The following ST3GAL4 variants were observed in gnomAD, a reference collection of about 807,000 sequenced individuals.
ST3GAL4 encodes the protein ST3 beta-galactoside alpha-2,3-sialyltransferase 4.
In ST3GAL4, 24 loss-of-function variants were observed where a neutral mutation model predicts 42.6. The ratio of observed to expected loss-of-function variants is 0.56; its 90% CI spans 0.41 to 0.79. The LOEUF is 0.79. ST3GAL4 is among the 30% of genes least tolerant of loss of function. The pLI is 0.00. For synonymous variants in ST3GAL4, 135 were observed against 163.2 expected (o/e 0.83, Z 1.32); for missense variants, 311 against 430.8 (o/e 0.72, Z 2.46).
chr11:126,408,625 C>G, intron 8 of ST3GAL4, 129 bp downstream of exon 8: 1 of 1,188,296 alleles, frequency 8.4e-7, no homozygotes, highest in Non-Finnish European at 1.2e-6. Context: ...GAACCGGGCT[C>G]CCGGAAGTCA....
Position 126,393,197 on chromosome 11 carries a change from G to C in ST3GAL4, c.-60-12899G>C, listed in dbSNP as rs1427543794. 6.6e-6 allele frequency: 1 copy of C among 152,220 alleles called. No homozygotes were observed. Among genetic ancestry groups the C allele is most frequent in the African/African-American group, 2.4e-5 (1 of 41,454 alleles). The allele number at this position is 152,220 out of a possible 1,614,324, so 9.4% of individuals were successfully genotyped here. A position where few individuals can be genotyped will look rare whatever the true frequency, so the allele number is the denominator to read the frequency against. ...ACAGGGTTTAGTCTCGGTAGCCAGT[G>C]CCTAGGGCACAGGTCTTGGCCAGAG... is the stretch of plus-strand genomic sequence containing the variant. On this transcript the variant is annotated intron_variant, in intron 1 of 10. Transcript: ENST00000444328. The surrounding 1 kb of genome is among the most constrained non-coding windows in gnomAD (Gnocchi z 5.9).
At position 126,407,571 on chromosome 11, in the gene ST3GAL4, T is replaced by C. The variant is rs1954299097; in HGVS notation, c.281-3T>C. ...CAGTCCCTCCGCCTGGTACTTTTTG[T>C]AGAGGATCTGCTCCTCCGGGTGCTA... On this transcript the variant is annotated splice_region_variant and splice_polypyrimidine_tract_variant and intron_variant, in intron 5 of 10. Transcript: ENST00000444328. 2 of 1,614,008 alleles carry C rather than the reference T, an allele frequency of 1.2e-6. No individual in the cohort carries two copies. The highest frequency in any genetic ancestry group is 2.7e-5 in the African/African-American group (2 of 74,918).
rs1953163315 is a variant in ST3GAL4, at chr11:126,384,914, G to A, written c.-60-21182G>A. On this transcript the variant is annotated intron_variant, in intron 1 of 10. Transcript: ENST00000444328. This position sits in a 1 kb window ranked among gnomAD's most constrained non-coding sequence, Gnocchi z 5.5. ...CCCCTCTCTTTGCTGGGCTGGGACA[G>A]AGCTTGAATGGAGAGGGGCCGCCTT... 1 of 985,278 alleles carries A rather than the reference G, an allele frequency of 1.0e-6. No homozygotes were observed. The highest frequency in any genetic ancestry group is 4.7e-5 in the South Asian group (1 of 21,274). The allele number at this position is 985,278 out of a possible 1,614,324, so 61.0% of individuals were successfully genotyped here.
At position 126,409,452 on chromosome 11, in the gene ST3GAL4, C is replaced by CG; in HGVS notation, c.771+44dup. 1 of 1,613,326 alleles carries CG rather than the reference C, an allele frequency of 6.2e-7. No homozygotes were observed. Among genetic ancestry groups the CG allele is most frequent in the Non-Finnish European group, 8.5e-7 (1 of 1,179,486 alleles). On this transcript the variant is annotated intron_variant, in intron 9 of 10. Coordinates refer to ENST00000444328, the MANE Select transcript of ST3GAL4 (RefSeq NM_001254757.2). This position sits in a 1 kb window ranked among gnomAD's most constrained non-coding sequence, Gnocchi z 4.9. ...CAGGCCTGAGGGCTAGGATCCTGGG[C>CG]GGGAAGTAGGAGGGATGATCCTATG...
intron 1 of ST3GAL4, among the ~76,000 whole-genome samples, chr11:126,382,834 C>T (rs1005675492): frequency 1.3e-5 from 2 of 152,186 alleles, no homozygotes; most frequent in African/African-American, 2.4e-5. Flanking sequence ...CCTCTCATCA[C>T]CCCCCCAGTT....
chr11:126,379,475 ATAT>A lies in ST3GAL4; in HGVS notation c.-61+23650_-61+23652del, dbSNP rs765941313. ...CTTGGGTATCCTTAATTTTGTTTTT[ATAT>A]TATTATTATTATTATTGAGACGGAG... is the stretch of plus-strand genomic sequence containing the variant. On this transcript the variant is annotated intron_variant, in intron 1 of 10. Coordinates refer to ENST00000444328, the MANE Select transcript of ST3GAL4 (RefSeq NM_001254757.2). This position sits in a 1 kb window ranked among gnomAD's most constrained non-coding sequence, Gnocchi z 4.2. Among the ~76,000 whole-genome samples the A allele has an allele frequency of 2.6e-3, 391 of 151,738 alleles. 1 individual carries two copies. Among genetic ancestry groups the A allele is most frequent in the East Asian group, 0.014 (71 of 5,164 alleles).
rs193187286 is a variant in ST3GAL4, at chr11:126,359,148, C to T, written c.-61+3306C>T. 1.2e-4 allele frequency among the ~76,000 whole-genome samples: 19 copies of T among 152,248 alleles called. No individual in the cohort carries two copies. The East Asian group carries it at 3.5e-3, about 28-fold the overall frequency. ...AGTGCTAAGGAATGCTGGTCTGCAG[C>T]GACCCTACTTGTGCTCTGCGTCCTC... On this transcript the variant is annotated intron_variant, in intron 1 of 10. Coordinates refer to ENST00000444328, the MANE Select transcript of ST3GAL4 (RefSeq NM_001254757.2). This position sits in a 1 kb window ranked among gnomAD's most constrained non-coding sequence, Gnocchi z 4.8.
In ST3GAL4 at chr11:126,409,493, G is replaced by A; in HGVS notation, c.771+82G>A. ...TGATCCTATGGGCTTAGGAAGCCCTGGAAGGATCCCATAACAGAGGCGGCG... is the reference window on the plus strand; with the variant it reads ...TGATCCTATGGGCTTAGGAAGCCCTAGAAGGATCCCATAACAGAGGCGGCG... On this transcript the variant is annotated intron_variant, in intron 9 of 10. Transcript: ENST00000444328. This position sits in a 1 kb window ranked among gnomAD's most constrained non-coding sequence, Gnocchi z 4.9. 25 of 1,576,212 alleles carry A rather than the reference G, an allele frequency of 1.6e-5. No individual in the cohort carries two copies. The highest frequency in any genetic ancestry group is 1.8e-5 in the Non-Finnish European group (21 of 1,152,104).
At position 126,392,462 on chromosome 11, in the gene ST3GAL4, C is replaced by A; in HGVS notation, c.-60-13634C>A. 1.3e-6 allele frequency: 1 copy of A among 793,820 alleles called. No homozygotes were observed. 49.2% of individuals were successfully genotyped at this position (793,820 alleles called of 1,614,324 possible). On this transcript the variant is annotated intron_variant, in intron 1 of 10. Coordinates refer to ENST00000444328, the MANE Select transcript of ST3GAL4 (RefSeq NM_001254757.2). The surrounding 1 kb of genome is among the most constrained non-coding windows in gnomAD (Gnocchi z 5.8). ...TGTGAGCTCATCGACATGCATTTGG[C>A]AGAAAGTGCGCTGGCTCTGCCAGCT...
chr11:126,371,488 C>T (rs188262453), intron 1 of ST3GAL4, among the ~76,000 whole-genome samples: 3 of 152,208 alleles, frequency 2.0e-5, no homozygotes, highest in African/African-American at 7.2e-5. Flanking sequence ...CACATAAGCA[C>T]GCACTATTTA....
In ST3GAL4 at chr11:126,414,116, G is replaced by A; in HGVS notation, c.*69G>A. On this transcript the variant is annotated 3_prime_UTR_variant, in exon 11 of 11. Coordinates refer to ENST00000444328, the MANE Select transcript of ST3GAL4 (RefSeq NM_001254757.2). ...TGGGTGACCCCCATGCGTGGCTGTG[G>A]GGGTGGCTGGTGCCAGTATGACCCA... The A allele has an allele frequency of 6.5e-7, 1 of 1,527,600 alleles. No individual in the cohort carries two copies. The highest frequency in any genetic ancestry group is 9.1e-7 in the Non-Finnish European group (1 of 1,101,792). The allele number at this position is 1,527,600 out of a possible 1,614,324, so 94.6% of individuals were successfully genotyped here.
intron 1 of ST3GAL4, chr11:126,374,879 C>G (rs924951598): frequency 6.6e-6 from 1 of 151,972 alleles, no homozygotes; most frequent in Non-Finnish European, 1.5e-5. Flanking sequence ...CCGTAGCCTG[C>G]GCTCACTGTA....
chr11:126,401,138 A>G (rs1000223776), intron 1 of ST3GAL4, among the ~76,000 whole-genome samples: 9 of 152,104 alleles, frequency 5.9e-5, no homozygotes, highest in African/African-American at 1.9e-4. Flanking sequence ...TGGAAGAGAA[A>G]TTAGTGCTGA....
chr11:126,386,958 A>G lies in ST3GAL4; in HGVS notation c.-60-19138A>G, dbSNP rs1200645610. On this transcript the variant is annotated intron_variant, in intron 1 of 10. Coordinates refer to ENST00000444328, the MANE Select transcript of ST3GAL4 (RefSeq NM_001254757.2). The surrounding 1 kb of genome is among the most constrained non-coding windows in gnomAD (Gnocchi z 4.7). ...CAGAGCATACAGTTTGGCAAGTAGGAGGAGGGCTGGAGCCCAGCCTCACTT... is the reference window on the plus strand; with the variant it reads ...CAGAGCATACAGTTTGGCAAGTAGGGGGAGGGCTGGAGCCCAGCCTCACTT... Among the ~76,000 whole-genome samples, 6 of 151,920 alleles carry G rather than the reference A, an allele frequency of 3.9e-5. No individual in the cohort carries two copies. Among genetic ancestry groups the G allele is most frequent in the African/African-American group, 9.7e-5 (4 of 41,366 alleles).
intron 1 of ST3GAL4, among the ~76,000 whole-genome samples, chr11:126,360,290 G>T (rs185790709): frequency 4.3e-4 from 65 of 152,350 alleles, no homozygotes; most frequent in Non-Finnish European, 7.6e-4. Flanking sequence ...TGAGGGATCC[G>T]CGGAGTTCTG....
Position 126,409,414 on chromosome 11 carries a change from G to A in ST3GAL4, c.771+3G>A, listed in dbSNP as rs1339531553. On this transcript the variant is annotated splice_donor_region_variant and intron_variant, in intron 9 of 10. Coordinates refer to ENST00000444328, the MANE Select transcript of ST3GAL4 (RefSeq NM_001254757.2). This position sits in a 1 kb window ranked among gnomAD's most constrained non-coding sequence, Gnocchi z 4.9. ...AACAGCCACGGAAGATTAAGCAGGT[G>A]ATGATGGGAAGTCAGGCCTGAGGGC... The A allele has an allele frequency of 6.2e-7, 1 of 1,614,106 alleles. No homozygotes were observed. The highest frequency in any genetic ancestry group is 8.5e-7 in the Non-Finnish European group (1 of 1,180,048).
rs150998763 is a variant in ST3GAL4 at position 126,407,001 on chromosome 11, A to G, written c.160A>G (p.Lys54Glu). The change falls in exon 4 of 11, where the codon AAG becomes GAG. Residue 54 changes from lysine to glutamate, a missense_variant. Lys to Glu is a moderately conservative substitution (Grantham distance 56). Coordinates refer to ENST00000444328, the MANE Select transcript of ST3GAL4 (RefSeq NM_001254757.2). The part of the protein sequence containing the change: ...EPCLQGEAES[K>E]ASKLFGNYSR... ...GTGCCTCCAGGGTGAGGCAGAGAGC[A>G]AGGCCTCTAAGCTCTTTGGCAAGTA... is the stretch of plus-strand genomic sequence containing the variant. The G allele has an allele frequency of 4.3e-6, 7 of 1,613,900 alleles. No homozygotes were observed. The highest frequency in any genetic ancestry group is 8.5e-7 in the Non-Finnish European group (1 of 1,179,972).
chr11:126,372,920 G>A (rs1222571890), intron 1 of ST3GAL4, among the ~76,000 whole-genome samples: 2 of 152,192 alleles, frequency 1.3e-5, no homozygotes, highest in Admixed American at 6.5e-5. Flanking sequence ...TGATATTCTG[G>A]TTTCAGTTCT....
intron 8 of ST3GAL4, 159 bp downstream of exon 8, chr11:126,408,655 A>C: frequency 1.2e-6 from 1 of 854,178 alleles, no homozygotes; most frequent in Non-Finnish European, 1.8e-6. Context: ...GCTGCCCTCC[A>C]AGGGTGGTGC....
Sources: allele counts gnomAD v4.1 joint callset (sites outside exome capture counted in the v4.1 genomes callset), GRCh38; gene constraint gnomAD v4.1.1; non-coding constraint Gnocchi (gnomAD v3.1); transcripts MANE v1.5; gene names NCBI Gene and HGNC (gene_info 2026-07-23, HGNC 2026-07-21).